LMO7: variants seen among roughly 807,000 people sequenced by gnomAD.
LMO7 encodes LIM domain only protein 7.
In LMO7, 120 loss-of-function variants were observed where a neutral mutation model predicts 206.5. The observed-to-expected ratio is 0.58, with a 90% CI of 0.50 to 0.68. The LOEUF (loss-of-function observed/expected upper bound fraction) is 0.68. Among genes scored for constraint, LMO7 ranks in the 30% least tolerant of loss-of-function variants. LMO7 has a pLI of 0.00. For synonymous variants in LMO7, 706 were observed against 681.5 expected (o/e 1.04, Z -0.56); for missense variants, 1,959 against 1,957.9 (o/e 1.00, Z -0.01).
intron 3 of LMO7, among the ~76,000 whole-genome samples, chr13:75,758,155 T>C (rs2047841057): frequency 6.6e-6 from 1 of 152,152 alleles, no homozygotes. Context: ...ACTAGTCCAA[T>C]TAGATAAGAT....
At chr13:75,827,009 C>A (rs1002958636) in intron 15 of LMO7, among the ~76,000 whole-genome samples, 23 of 152,102 alleles carry the variant, frequency 1.5e-4, no homozygotes, top group African/African-American at 5.1e-4. Flanking sequence ...CCAGGAGGAC[C>A]CCTTCGTTCA....
chr13:75,819,471 G>T lies in LMO7; in HGVS notation c.2143G>T (p.Glu715Ter). The T allele has an allele frequency of 1.2e-6, 2 of 1,613,244 alleles. No homozygotes were observed. Among genetic ancestry groups the T allele is most frequent in the Non-Finnish European group, 1.7e-6 (2 of 1,179,786 alleles). The change falls in exon 13 of 31, where the codon GAA becomes TAA. Residue 715 changes from glutamate to a stop codon, truncating the protein, a stop_gained. Coordinates refer to ENST00000377534, the MANE Select transcript of LMO7 (RefSeq NM_001306080.2). LOFTEE classifies it high-confidence loss of function. ...GAAAAAAGAAGAGAGAGAAGAAATT[G>T]AAAAGCAGGCACTTGAGAAGTCTAA... ...QKKKEEREEI[E>*]KQALEKSKRS...
intron 1 of LMO7, among the ~76,000 whole-genome samples, chr13:75,652,947 A>G (rs1379662668): frequency 2.0e-5 from 3 of 152,108 alleles, no homozygotes; most frequent in African/African-American, 7.2e-5. Context: ...AATTCCTGCC[A>G]TATGTTCCAG....
At chr13:75,846,055 C>T (rs2059969321) in intron 26 of LMO7, among the ~76,000 whole-genome samples, 1 of 151,672 alleles carries the variant, frequency 6.6e-6, no homozygotes, top group Non-Finnish European at 1.5e-5. Flanking sequence ...CATTGCCATG[C>T]TGGAGAAGGC....
chr13:75,697,217 T>C (rs1340590568), intron 1 of LMO7, among the ~76,000 whole-genome samples: 1 of 152,170 alleles, frequency 6.6e-6, no homozygotes, highest in Non-Finnish European at 1.5e-5. Flanking sequence ...AGAAAATTTT[T>C]TTTGAAAAAC....
intron 1 of LMO7, among the ~76,000 whole-genome samples, chr13:75,649,342 C>T (rs868266304): frequency 1.3e-5 from 2 of 151,968 alleles, no homozygotes; most frequent in Non-Finnish European, 1.5e-5. Context: ...GAGAAAGGGG[C>T]GGTGATGGTC....
intron 3 of LMO7, among the ~76,000 whole-genome samples, chr13:75,746,732 T>C (rs2046873410): frequency 6.6e-6 from 1 of 152,158 alleles, no homozygotes; most frequent in African/African-American, 2.4e-5. Flanking sequence ...ATTTTATTCA[T>C]TTTTATTACC....
At chr13:75,632,556 C>T (rs183747264), upstream of LMO7, among the ~76,000 whole-genome samples, 1 of 152,296 alleles carries the variant, frequency 6.6e-6, no homozygotes, top group East Asian at 1.9e-4. Flanking sequence ...AAGTATTATC[C>T]ATTATTCAGA....
intron 15 of LMO7, among the ~76,000 whole-genome samples, chr13:75,826,757 C>A (rs1209576448): frequency 6.6e-6 from 1 of 152,136 alleles, no homozygotes; most frequent in East Asian, 1.9e-4. Flanking sequence ...TGTTACTTGT[C>A]CAAGGCCGTG....
chr13:75,717,208 A>G (rs1833358767), intron 2 of LMO7, among the ~76,000 whole-genome samples: 1 of 151,830 alleles, frequency 6.6e-6, no homozygotes, highest in Admixed American at 6.6e-5. Context: ...TTAAAAATAC[A>G]AAAAATTAGC....
intron 4 of LMO7, among the ~76,000 whole-genome samples, chr13:75,776,651 C>CTTTTTT (rs2050546863): frequency 6.6e-6 from 1 of 152,054 alleles, no homozygotes; most frequent in Non-Finnish European, 1.5e-5. Flanking sequence ...AGTTATTAGC[C>CTTTTTT]TTCAACAGCT....
chr13:75,844,870 T>G (rs1209457426), intron 25 of LMO7, among the ~76,000 whole-genome samples: 1 of 152,196 alleles, frequency 6.6e-6, no homozygotes, highest in Non-Finnish European at 1.5e-5. Context: ...AGATGGCATT[T>G]GGTAAATTAA....
intron 3 of LMO7, among the ~76,000 whole-genome samples, chr13:75,751,286 G>A (rs976893712): frequency 4.8e-5 from 7 of 145,324 alleles, no homozygotes; most frequent in East Asian, 4.2e-4. Flanking sequence ...TCAGCCTCCC[G>A]AATAGCTGGG....
rs2044759779 is a variant in LMO7 at position 75,728,750 on chromosome 13, TG to T, written c.210+1654del. Reference sequence around the variant, plus strand: ...CCTAGGTTTTCTTCTAGGGTTTTTATGGTTTTAGGTCTAACGTTTAAGTCTT... The same window carrying T: ...CCTAGGTTTTCTTCTAGGGTTTTTATGTTTTAGGTCTAACGTTTAAGTCTT... On this transcript the variant is annotated intron_variant, in intron 3 of 30. Transcript: ENST00000377534. Among the ~76,000 whole-genome samples, 3 of 135,538 alleles carry T rather than the reference TG, an allele frequency of 2.2e-5. No homozygotes were observed. In the South Asian group the frequency reaches 7.2e-4, roughly 33 times the overall value. The allele number at this position is 135,538 out of a possible 152,430, so 88.9% of individuals were successfully genotyped here.
At position 75,654,989 on chromosome 13, in the gene LMO7, G is replaced by T. The variant is rs369256436; in HGVS notation, c.69+18263G>T. Among the ~76,000 whole-genome samples the T allele has an allele frequency of 1.6e-4, 24 of 151,132 alleles. No homozygotes were observed. The East Asian group carries it at 2.5e-3, about 16-fold the overall frequency. ...CGGGTTCCTCGATTCTCCTGCCTCA[G>T]CCTCCTGAATATCTGGGATTACAGG... is the stretch of plus-strand genomic sequence containing the variant. On this transcript the variant is annotated intron_variant, in intron 1 of 30. Coordinates refer to ENST00000377534, the MANE Select transcript of LMO7 (RefSeq NM_001306080.2).
At chr13:75,796,342 T>C (rs1409676599) in intron 5 of LMO7, among the ~76,000 whole-genome samples, 4 of 152,208 alleles carry the variant, frequency 2.6e-5, no homozygotes, top group East Asian at 3.8e-4. Context: ...AAAGTTTCAT[T>C]TGTGTTTTCT....
chr13:75,800,712 G>A lies in LMO7; in HGVS notation c.491G>A (p.Arg164Lys), dbSNP rs771102599. Residue 164 changes from arginine (R) to lysine (K), a missense_variant, in exon 7 of 31, where the codon AGA becomes AAA. Physicochemically the swap from Arg to Lys is conservative, Grantham distance 26. Transcript: ENST00000377534. ...CTCGAAGACTCCAGCTTCCTGAAAA[G>A]AAGTGGCAGGGACAGTGGCTACGGT... ...KALEDSSFLK[R>K]SGRDSGYGDI... is the part of the protein sequence containing the mutation. 5 of 1,614,122 alleles carry A rather than the reference G, an allele frequency of 3.1e-6. No homozygotes were observed. In the East Asian group the frequency reaches 1.1e-4, roughly 36 times the overall value.
intron 25 of LMO7, among the ~76,000 whole-genome samples, chr13:75,843,803 T>C (rs1253908521): frequency 6.6e-6 from 1 of 152,230 alleles, no homozygotes; most frequent in Non-Finnish European, 1.5e-5. Flanking sequence ...CCTTGTGTTT[T>C]CAGAGCTGAA....
chr13:75,753,281 G>T (rs915134705), intron 3 of LMO7, among the ~76,000 whole-genome samples: 1 of 152,018 alleles, frequency 6.6e-6, no homozygotes, highest in African/African-American at 2.4e-5. Flanking sequence ...TTGGACTTTT[G>T]TTGTTCCTTA....
Sources: gnomAD v4.1 joint callset for allele counts (sites outside exome capture counted in the v4.1 genomes callset) on GRCh38, gnomAD v4.1.1 for gene constraint, MANE v1.5 for transcripts, NCBI Gene and HGNC (gene_info 2026-07-23, HGNC 2026-07-21) for gene names.